SSH2: variants seen among roughly 807,000 people sequenced by gnomAD.
SSH2 encodes slingshot protein phosphatase 2.
SSH2 carries 37 observed loss-of-function variants against 135.2 expected under a neutral mutation model. That is an observed-to-expected ratio of 0.27 (90% confidence interval 0.21 to 0.36). SSH2 has a LOEUF of 0.36. Among genes scored for constraint, SSH2 ranks in the 10% least tolerant of loss-of-function variants. The probability of loss-of-function intolerance (pLI) is 1.00; values close to 1 mark genes in which losing one functional copy is unlikely to be tolerated. For missense variants in SSH2, 1,408 were observed against 1,765.3 expected, an observed-to-expected ratio of 0.80 and a Z score of 3.63; for synonymous variants, 628 against 646.2, an observed-to-expected ratio of 0.97 and a Z score of 0.43.
At chr17:29,851,768 G>A (rs531808142) in intron 1 of SSH2, among the ~76,000 whole-genome samples, 5 of 152,142 alleles carry the variant, frequency 3.3e-5, no homozygotes, top group African/African-American at 1.2e-4. Flanking sequence ...TTGGGAGGCC[G>A]AGGTGGGAGG....
intron 3 of SSH2, among the ~76,000 whole-genome samples, chr17:29,741,524 C>T (rs1482900949): frequency 6.6e-6 from 1 of 151,714 alleles, no homozygotes; most frequent in African/African-American, 2.4e-5. Flanking sequence ...GAAAGAAATG[C>T]ATTTGGGGAC....
At chr17:29,737,366 G>T (rs2040407742) in intron 3 of SSH2, among the ~76,000 whole-genome samples, 1 of 151,920 alleles carries the variant, frequency 6.6e-6, no homozygotes, top group Admixed American at 6.6e-5. Context: ...TTTCTTTAGA[G>T]CTATATCAGC....
intron 2 of SSH2, among the ~76,000 whole-genome samples, chr17:29,848,079 G>A (rs1826077455): frequency 1.3e-5 from 2 of 152,146 alleles, no homozygotes; most frequent in Non-Finnish European, 2.9e-5. Context: ...CTTTCCTGGT[G>A]AAACTAAGAA....
At chr17:29,704,498 T>A (rs1437440867) in intron 3 of SSH2, among the ~76,000 whole-genome samples, 2 of 152,094 alleles carry the variant, frequency 1.3e-5, no homozygotes, top group African/African-American at 4.8e-5. Context: ...GTCTTGGAGT[T>A]TGAGACCAGG....
chr17:29,777,458 G>A (rs772512374), intron 3 of SSH2, among the ~76,000 whole-genome samples: 1 of 151,986 alleles, frequency 6.6e-6, no homozygotes, highest in Non-Finnish European at 1.5e-5. Context: ...GTGTTATTCA[G>A]GAACAACCTA....
intron 2 of SSH2, among the ~76,000 whole-genome samples, chr17:29,815,206 C>G (rs1334099715): frequency 6.6e-6 from 1 of 151,320 alleles, no homozygotes; most frequent in Non-Finnish European, 1.5e-5. Context: ...CTCACTACAA[C>G]CTCTGCCTCC....
At chr17:29,842,644 G>A (rs965760987) in intron 2 of SSH2, among the ~76,000 whole-genome samples, 31 of 151,946 alleles carry the variant, frequency 2.0e-4, no homozygotes, top group Non-Finnish European at 4.3e-4. Context: ...AATTATTCTG[G>A]GATAAAATCA....
chr17:29,707,118 A>T (rs1041199930), intron 3 of SSH2: 4 of 148,860 alleles, frequency 2.7e-5, no homozygotes, highest in Non-Finnish European at 5.9e-5. Context: ...GCGCCACTGC[A>T]CTCCCGCCTG....
At chr17:29,927,376 A>G in intron 1 of SSH2, among the ~76,000 whole-genome samples, 1 of 152,288 alleles carries the variant, frequency 6.6e-6, no homozygotes, top group East Asian at 1.9e-4. Context: ...ACATCTTAGT[A>G]TCTACAATGG....
At chr17:29,867,733 C>T (rs1435702397) in intron 1 of SSH2, among the ~76,000 whole-genome samples, 1 of 152,186 alleles carries the variant, frequency 6.6e-6, no homozygotes, top group Non-Finnish European at 1.5e-5. Flanking sequence ...ACTTAGAATG[C>T]TGAGACTACA....
Position 29,913,347 on chromosome 17 carries a change from A to AAAAAAAAATTATATATATATAT in SSH2, c.63+16590_63+16591insATATATATATATAATTTTTTTT. Among the ~76,000 whole-genome samples, 3 of 28,786 alleles carry AAAAAAAAATTATATATATATAT rather than the reference A, an allele frequency of 1.0e-4. 1 individual carries two copies. The highest frequency in any genetic ancestry group is 7.3e-4 in the Admixed American group (1 of 1,362). The allele number at this position is 28,786 out of a possible 152,430, so 18.9% of individuals were successfully genotyped here. On this transcript the variant is annotated intron_variant, in intron 1 of 15. Transcript: ENST00000540801. ...AAAAAAAAAAAAAAAAAAAAAAAAA[A>AAAAAAAAATTATATATATATAT]ATATATATATATATATATATATATA... is the stretch of plus-strand genomic sequence containing the variant.
intron 11 of SSH2, among the ~76,000 whole-genome samples, chr17:29,663,601 T>C (rs2037143577): frequency 6.6e-6 from 1 of 152,124 alleles, no homozygotes. Context: ...AGAAAGAAAA[T>C]GTCCATTTTC....
chr17:29,845,549 T>C (rs1223038402), intron 2 of SSH2, among the ~76,000 whole-genome samples: 1 of 152,206 alleles, frequency 6.6e-6, no homozygotes, highest in Non-Finnish European at 1.5e-5. Flanking sequence ...GGCTTGGCAA[T>C]AAAATAAAGC....
chr17:29,907,356 T>G (rs1424685393), intron 1 of SSH2, among the ~76,000 whole-genome samples: 9 of 142,078 alleles, frequency 6.3e-5, no homozygotes, highest in East Asian at 2.0e-4. Context: ...CTGTTGGGGG[T>G]GGAGTGGGGG....
intron 3 of SSH2, among the ~76,000 whole-genome samples, chr17:29,786,475 C>T (rs1210513596): frequency 3.9e-5 from 6 of 152,164 alleles, no homozygotes. Context: ...TCCCATTATT[C>T]TCACCCTTCA....
chr17:29,864,901 G>C (rs576914937), intron 1 of SSH2, among the ~76,000 whole-genome samples: 1 of 152,128 alleles, frequency 6.6e-6, no homozygotes, highest in African/African-American at 2.4e-5. Context: ...ATCTAGTGTA[G>C]TGCCCAGAAA....
chr17:29,673,433 G>A (rs1284686743), intron 8 of SSH2, among the ~76,000 whole-genome samples: 2 of 152,068 alleles, frequency 1.3e-5, no homozygotes, highest in Admixed American at 1.3e-4. Context: ...AGCTGGGAAC[G>A]GTGGCACATG....
chr17:29,853,074 T>C (rs1020792665), intron 1 of SSH2, among the ~76,000 whole-genome samples: 3 of 150,472 alleles, frequency 2.0e-5, no homozygotes, highest in Admixed American at 1.4e-4. Flanking sequence ...GCAGCCTTAA[T>C]TCACTGCAGA....
chr17:29,681,132 A>G (rs865813504), intron 6 of SSH2, among the ~76,000 whole-genome samples: 36 of 151,822 alleles, frequency 2.4e-4, no homozygotes, highest in African/African-American at 8.0e-4. Flanking sequence ...CGAGGTCGAG[A>G]TAGAGACCAT....
Sources: allele counts gnomAD v4.1 joint callset (sites outside exome capture counted in the v4.1 genomes callset), GRCh38; gene constraint gnomAD v4.1.1; transcripts MANE v1.5; gene names NCBI Gene and HGNC (gene_info 2026-07-23, HGNC 2026-07-21).